The following RSPH14 variants were observed in gnomAD, a reference collection of about 807,000 sequenced individuals.
The protein encoded by RSPH14 is rhabdoid tumor deletion region gene 1.
A neutral mutation model predicts 26.7 loss-of-function variants in RSPH14; 20 were observed. That is an observed-to-expected ratio of 0.75 (90% CI 0.53 to 1.09). The LOEUF is 1.09. RSPH14 is among the 50% of genes least tolerant of loss of function. The probability of loss-of-function intolerance (pLI) is 0.00; values close to 1 mark genes in which losing one functional copy is unlikely to be tolerated. For missense variants in RSPH14, 449 were observed against 457.2 expected, an observed-to-expected ratio of 0.98 and a Z score of 0.16; for synonymous variants, 177 against 189.3, an observed-to-expected ratio of 0.93 and a Z score of 0.53.
chr22:23,070,525 C>A, intron 4 of RSPH14: 1 of 151,324 alleles, frequency 6.6e-6, no homozygotes, highest in Non-Finnish European at 1.5e-5. Flanking sequence ...CCCCGCCCCG[C>A]CCTGCCCGGA....
At chr22:23,156,430 G>A in the RSPH14 span, 1 of 168,018 alleles carries the variant, frequency 6.0e-6, no homozygotes. Flanking sequence ...GGGGGACCAC[G>A]GGAGGACTGG....
chr22:23,162,913 A>AT, the RSPH14 span: 1 of 299,486 alleles, frequency 3.3e-6, no homozygotes. Flanking sequence ...TATATAAATG[A>AT]CTTTTTTTTT....
chr22:23,156,167 CCACTGCT>C, the RSPH14 span: 24 of 747,960 alleles, frequency 3.2e-5, no homozygotes, highest in Non-Finnish European at 4.9e-5. Context: ...AAACACCAGG[CCACTGCT>C]TGGGAACAGG....
chr22:23,152,306 A>G, the RSPH14 span, among the ~76,000 whole-genome samples: 2 of 152,112 alleles, frequency 1.3e-5, no homozygotes, highest in Non-Finnish European at 2.9e-5. Context: ...GGGGACTGTG[A>G]AGGGGGAACA....
chr22:23,069,761 A>C (rs999222582), intron 4 of RSPH14, among the ~76,000 whole-genome samples: 1 of 152,082 alleles, frequency 6.6e-6, no homozygotes, highest in Non-Finnish European at 1.5e-5. Flanking sequence ...ATCGCTGCAC[A>C]AACCTCACCG....
At chr22:23,172,744 A>C in the RSPH14 span, among the ~76,000 whole-genome samples, 5 of 151,302 alleles carry the variant, frequency 3.3e-5, no homozygotes, top group Non-Finnish European at 7.4e-5. Flanking sequence ...AGGTCAGGAG[A>C]TCGAGACCAT....
intron 4 of RSPH14, among the ~76,000 whole-genome samples, chr22:23,130,105 AAGAAAGAAAGAAAGAAAGAAAG>A (rs2070300447): frequency 2.3e-5 from 2 of 87,714 alleles, no homozygotes; most frequent in African/African-American, 3.8e-5. Context: ...GAAAGAAAGA[AAGAAAGAAAGAAAGAAAGAAAG>A]AAAGAAAGAA....
chr22:23,153,979 G>A, the RSPH14 span, among the ~76,000 whole-genome samples: 4 of 151,926 alleles, frequency 2.6e-5, no homozygotes, highest in Non-Finnish European at 4.4e-5. Flanking sequence ...GTGAGCCACC[G>A]TACCCGGCCC....
intron 4 of RSPH14, among the ~76,000 whole-genome samples, chr22:23,079,442 G>A (rs2068609777): frequency 6.6e-6 from 1 of 152,156 alleles, no homozygotes; most frequent in African/African-American, 2.4e-5. Flanking sequence ...GGCAGCTAGA[G>A]GCAGCATGGC....
chr22:23,145,856 T>C (rs2070740641), upstream of RSPH14: 1 of 504,598 alleles, frequency 2.0e-6, no homozygotes, highest in Middle Eastern at 9.8e-4. Context: ...TTGAGGAGGC[T>C]CGAGGAGTCA....
intron 4 of RSPH14, among the ~76,000 whole-genome samples, chr22:23,097,756 G>A (rs2069169725): frequency 1.3e-5 from 2 of 152,268 alleles, no homozygotes; most frequent in South Asian, 2.1e-4. Flanking sequence ...AGGCATGGCC[G>A]TGGGCAGAGC....
chr22:23,129,956 GAA>G lies in RSPH14; in HGVS notation c.421+4068_421+4069del, dbSNP rs547044196. Among the ~76,000 whole-genome samples, 270 of 147,560 alleles carry G rather than the reference GAA, an allele frequency of 1.8e-3. 1 individual carries two copies. The highest frequency in any genetic ancestry group is 5.0e-3 in the African/African-American group (199 of 39,916). ...AAGGAAGGAAGGAAAGAAGGAGAAA[GAA>G]AGAGAGAGGAAGAAAGAGAAAGAGA... On this transcript the variant is annotated intron_variant, in intron 4 of 6. Transcript: ENST00000216036.
chr22:23,099,584 C>G (rs910582267), intron 4 of RSPH14, among the ~76,000 whole-genome samples: 2 of 152,272 alleles, frequency 1.3e-5, no homozygotes, highest in Admixed American at 6.5e-5. Flanking sequence ...CTCAGGCACA[C>G]AGCTGGCGCT....
intron 4 of RSPH14, chr22:23,131,661 G>A (rs9612238): frequency 9.2e-6 from 12 of 1,302,130 alleles, no homozygotes; most frequent in African/African-American, 1.5e-5. Context: ...CTAGACCCTC[G>A]CTTATTCCTC....
At chr22:23,104,579 A>G (rs2069404951) in intron 4 of RSPH14, among the ~76,000 whole-genome samples, 1 of 152,232 alleles carries the variant, frequency 6.6e-6, no homozygotes. Context: ...GACACAGATT[A>G]CTATTGTTTT....
chr22:23,134,548 CAAAAAAAA>C (rs59412175), intron 3 of RSPH14, among the ~76,000 whole-genome samples: 4 of 86,140 alleles, frequency 4.6e-5, no homozygotes, highest in South Asian at 4.5e-4. Context: ...AACTCCCAAC[CAAAAAAAA>C]AAAAAAAAAA....
chr22:23,148,848 G>A (rs1601890782), upstream of RSPH14, among the ~76,000 whole-genome samples: 2 of 152,346 alleles, frequency 1.3e-5, no homozygotes, highest in South Asian at 4.1e-4. Flanking sequence ...ACAGAAAGAA[G>A]CAGCCAGCTT....
chr22:23,075,164 G>A (rs2068478448), intron 4 of RSPH14, among the ~76,000 whole-genome samples: 1 of 152,140 alleles, frequency 6.6e-6, no homozygotes, highest in Non-Finnish European at 1.5e-5. Context: ...CCTGGAGGGT[G>A]GGCCCGCAAC....
At chr22:23,170,111 C>CA in the RSPH14 span, among the ~76,000 whole-genome samples, 54 of 135,470 alleles carry the variant, frequency 4.0e-4, no homozygotes, top group African/African-American at 1.4e-3. Flanking sequence ...AAAAAAAAAG[C>CA]AAAAAAAGAA....
Sources: gnomAD v4.1 joint callset for allele counts (sites outside exome capture counted in the v4.1 genomes callset) on GRCh38, gnomAD v4.1.1 for gene constraint, MANE v1.5 for transcripts, NCBI Gene and HGNC (gene_info 2026-07-23, HGNC 2026-07-21) for gene names.